The following CHCHD3 variants were observed in gnomAD, a reference collection of about 807,000 sequenced individuals.
The protein encoded by CHCHD3 is MICOS complex subunit MIC19.
CHCHD3 carries 20 observed loss-of-function variants against 38.2 expected under a neutral mutation model. The observed-to-expected ratio is 0.52, with a 90% CI of 0.37 to 0.76. The LOEUF (loss-of-function observed/expected upper bound fraction) is 0.76. Ranked by LOEUF, CHCHD3 falls within the 30% of genes least tolerant of loss-of-function variation. The pLI is 0.00. For synonymous variants in CHCHD3, 82 were observed against 100.0 expected, an observed-to-expected ratio of 0.82 and a Z score of 1.07; for missense variants, 245 against 279.2, an observed-to-expected ratio of 0.88 and a Z score of 0.87.
intron 3 of CHCHD3, among the ~76,000 whole-genome samples, chr7:132,998,866 G>A (rs10237617): frequency 0.44 from 67,562 of 151,922 alleles, 15,290 homozygotes; most frequent in East Asian, 0.55. Flanking sequence ...TGTCTCATTT[G>A]CAAACAATCC....
chr7:132,899,156 C>T (rs1000055411), intron 4 of CHCHD3, among the ~76,000 whole-genome samples: 1 of 152,152 alleles, frequency 6.6e-6, no homozygotes, highest in Non-Finnish European at 1.5e-5. Context: ...ACTGCCAGCA[C>T]GCTGTCACCT....
chr7:132,977,305 C>T (rs1811792773), intron 3 of CHCHD3, among the ~76,000 whole-genome samples: 1 of 152,190 alleles, frequency 6.6e-6, no homozygotes, highest in Non-Finnish European at 1.5e-5. Flanking sequence ...AGGGATAGTG[C>T]CTAGCAAACT....
chr7:132,883,926 T>C (rs989025075), intron 5 of CHCHD3, among the ~76,000 whole-genome samples: 1 of 152,332 alleles, frequency 6.6e-6, no homozygotes, highest in East Asian at 1.9e-4. Context: ...AAAAACCTTC[T>C]AGTTATAAAA....
intron 4 of CHCHD3, among the ~76,000 whole-genome samples, chr7:132,895,995 C>T (rs1809484963): frequency 6.6e-6 from 1 of 152,146 alleles, no homozygotes; most frequent in South Asian, 2.1e-4. Context: ...TCATATGAAT[C>T]ATTTTGTACT....
chr7:133,009,057 T>C (rs1437516181), intron 3 of CHCHD3, among the ~76,000 whole-genome samples: 1 of 149,750 alleles, frequency 6.7e-6, no homozygotes, highest in Non-Finnish European at 1.5e-5. Flanking sequence ...AAGCAAGAGA[T>C]AATCTTCAAC....
At chr7:132,844,987 T>C (rs1023729772) in intron 5 of CHCHD3, 3 of 152,244 alleles carry the variant, frequency 2.0e-5, no homozygotes, top group African/African-American at 7.2e-5. Context: ...TGCTCCATTG[T>C]ACATACTTTT....
chr7:133,079,699 T>G (rs78253293), intron 1 of CHCHD3, among the ~76,000 whole-genome samples: 1,839 of 152,304 alleles, frequency 0.012, 34 homozygotes, highest in African/African-American at 0.042. Flanking sequence ...TCTGCTTAAT[T>G]CAAGCCAAGA....
intron 5 of CHCHD3, among the ~76,000 whole-genome samples, chr7:132,850,451 T>TG (rs1808189674): frequency 9.5e-5 from 3 of 31,470 alleles, no homozygotes; most frequent in African/African-American, 3.2e-4. Context: ...TTTTTTTTTG[T>TG]TTTTTTTTTT....
At chr7:132,930,641 T>A (rs1011561351) in intron 4 of CHCHD3, among the ~76,000 whole-genome samples, 2 of 152,164 alleles carry the variant, frequency 1.3e-5, no homozygotes, top group Non-Finnish European at 2.9e-5. Flanking sequence ...CCAGCAACAA[T>A]TCCACCAGAG....
At position 132,816,565 on chromosome 7, in the gene CHCHD3, C is replaced by A. The variant is rs150847620; in HGVS notation, c.525-19988G>T. Among the ~76,000 whole-genome samples the A allele has an allele frequency of 2.9e-3, 438 of 152,276 alleles. 1 individual carries two copies. Among genetic ancestry groups the A allele is most frequent in the African/African-American group, 0.01 (419 of 41,546 alleles). ...AGTCCTTAATGACACCATCTCACAT[C>A]CAACCTTCATAATTTAGCTCCCCCC... On this transcript the variant is annotated intron_variant, in intron 6 of 7. Coordinates refer to ENST00000262570, the MANE Select transcript of CHCHD3 (RefSeq NM_017812.4).
chr7:132,812,212 T>C lies in CHCHD3; in HGVS notation c.525-15635A>G, dbSNP rs1219702389. ...CTTTTTTTCTTTTCTTTTTTTTTTT[T>C]TTTTTTTTTTTTTTTTGAGATGGAG... On this transcript the variant is annotated intron_variant, in intron 6 of 7. Transcript: ENST00000262570. 1.0e-3 allele frequency among the ~76,000 whole-genome samples: 140 copies of C among 137,018 alleles called. 5 individuals carry two copies. The highest frequency in any genetic ancestry group is 5.8e-4 in the Admixed American group (8 of 13,760). The allele number at this position is 137,018 out of a possible 152,430, so 89.9% of individuals were successfully genotyped here.
intron 4 of CHCHD3, among the ~76,000 whole-genome samples, chr7:132,939,515 A>C: frequency 6.6e-6 from 1 of 152,190 alleles, no homozygotes; most frequent in East Asian, 1.9e-4. Context: ...AGGCTATACT[A>C]TTTAGCCTAG....
Position 132,793,920 on chromosome 7 carries a change from C to A in CHCHD3, c.660+2522G>T, listed in dbSNP as rs114648722. 4.5e-3 allele frequency among the ~76,000 whole-genome samples: 678 copies of A among 152,316 alleles called. 4 individuals are homozygous for A. Among genetic ancestry groups the A allele is most frequent in the African/African-American group, 0.016 (650 of 41,566 alleles). On this transcript the variant is annotated intron_variant, in intron 7 of 7. Transcript: ENST00000262570. ...TCGGGACTACGTATCTTGCCGGAGTCTCTTAACAGGGGCACAGCTGGGGTC... is the reference window on the plus strand; with the variant it reads ...TCGGGACTACGTATCTTGCCGGAGTATCTTAACAGGGGCACAGCTGGGGTC...
intron 4 of CHCHD3, among the ~76,000 whole-genome samples, chr7:132,962,095 C>T (rs987802924): frequency 6.6e-6 from 1 of 152,174 alleles, no homozygotes; most frequent in Admixed American, 6.5e-5. Flanking sequence ...TGTCTAAAAG[C>T]ATTTATGCCC....
intron 5 of CHCHD3, among the ~76,000 whole-genome samples, chr7:132,883,765 C>T (rs894223914): frequency 1.2e-4 from 18 of 152,140 alleles, no homozygotes; most frequent in African/African-American, 4.3e-4. Flanking sequence ...GGAAAAATTA[C>T]TGACATTCTC....
chr7:133,024,514 C>G, intron 3 of CHCHD3, 32 bp downstream of exon 3: 19 of 1,516,704 alleles, frequency 1.3e-5, no homozygotes, highest in Non-Finnish European at 1.6e-5. Context: ...ACAAAACCCA[C>G]CAAAACCTCT....
chr7:132,922,235 G>C (rs1810279321), intron 4 of CHCHD3, among the ~76,000 whole-genome samples: 1 of 152,094 alleles, frequency 6.6e-6, no homozygotes, highest in Admixed American at 6.5e-5. Context: ...GACAAAGGGC[G>C]GGTACAGCAC....
At chr7:133,073,512 C>A (rs75369386) in intron 1 of CHCHD3, among the ~76,000 whole-genome samples, 2,539 of 152,234 alleles carry the variant, frequency 0.017, 74 homozygotes, top group South Asian at 0.11. Context: ...ATTGATCTCA[C>A]GTTTGCCGCA....
intron 5 of CHCHD3, chr7:132,849,626 C>T (rs560280711): frequency 6.6e-6 from 1 of 152,326 alleles, no homozygotes; most frequent in Admixed American, 6.5e-5. Flanking sequence ...CCTTAGATAA[C>T]CCTAGTTTTA....
Sources: gnomAD v4.1 joint callset for allele counts (sites outside exome capture counted in the v4.1 genomes callset) on GRCh38, gnomAD v4.1.1 for gene constraint, MANE v1.5 for transcripts, NCBI Gene and HGNC (gene_info 2026-07-23, HGNC 2026-07-21) for gene names.